The following SNTG1 variants were observed in gnomAD, a reference collection of about 807,000 sequenced individuals.
The protein encoded by SNTG1 is syntrophin gamma 1, also known as gamma-1-syntrophin.
Under a neutral mutation model 74.7 loss-of-function variants are expected in SNTG1, and 39 were observed. That is an observed-to-expected ratio of 0.52 (90% CI 0.40 to 0.68). SNTG1 has a LOEUF of 0.68. SNTG1 is among the 30% of genes least tolerant of loss of function. SNTG1 has a pLI of 0.00. For missense variants in SNTG1, 685 were observed against 609.5 expected (o/e 1.12, Z -1.30); for synonymous variants, 254 against 217.1 (o/e 1.17, Z -1.49).
intron 1 of SNTG1, among the ~76,000 whole-genome samples, chr8:49,922,474 C>G (rs959987996): frequency 1.3e-5 from 2 of 152,022 alleles, no homozygotes; most frequent in Non-Finnish European, 2.9e-5. Flanking sequence ...CAGTTTAGAG[C>G]ATTAATGGGA....
At chr8:50,247,434 A>C (rs1356811654) in intron 2 of SNTG1, among the ~76,000 whole-genome samples, 1 of 152,126 alleles carries the variant, frequency 6.6e-6, no homozygotes, top group East Asian at 1.9e-4. Context: ...TTAGTGCCTC[A>C]AACTAGATTT....
chr8:50,685,364 A>T (rs1479862307), intron 15 of SNTG1, among the ~76,000 whole-genome samples: 1 of 152,184 alleles, frequency 6.6e-6, no homozygotes, highest in African/African-American at 2.4e-5. Context: ...TTTATCCATT[A>T]TCTACCTTAT....
intron 1 of SNTG1, among the ~76,000 whole-genome samples, chr8:50,124,970 T>A (rs999219937): frequency 2.8e-5 from 4 of 141,922 alleles, no homozygotes; most frequent in Non-Finnish European, 4.7e-5. Flanking sequence ...TTTCATGGCA[T>A]ACCCTCTCAT....
chr8:50,021,271 T>G (rs544368571), intron 1 of SNTG1, among the ~76,000 whole-genome samples: 54 of 152,296 alleles, frequency 3.5e-4, no homozygotes, highest in Non-Finnish European at 5.7e-4. Context: ...TGTATCTACA[T>G]TGTCATTGTT....
chr8:50,460,724 C>G (rs2093553309), intron 8 of SNTG1, among the ~76,000 whole-genome samples: 1 of 152,072 alleles, frequency 6.6e-6, no homozygotes, highest in African/African-American at 2.4e-5. Flanking sequence ...TATTCTAGCA[C>G]CATTTATTGA....
intron 2 of SNTG1, among the ~76,000 whole-genome samples, chr8:50,242,715 C>T (rs1020742332): frequency 1.0e-4 from 15 of 150,312 alleles, no homozygotes; most frequent in African/African-American, 2.2e-4. Context: ...ATCCATATCA[C>T]GTATGTATTA....
chr8:50,612,325 T>C (rs1000009713), intron 13 of SNTG1, among the ~76,000 whole-genome samples: 2 of 152,206 alleles, frequency 1.3e-5, no homozygotes, highest in African/African-American at 4.8e-5. Context: ...AAAAATGTCT[T>C]TAGATCTAGT....
intron 13 of SNTG1, among the ~76,000 whole-genome samples, chr8:50,631,161 A>G (rs1456698509): frequency 2.0e-5 from 3 of 152,224 alleles, no homozygotes; most frequent in Non-Finnish European, 4.4e-5. Flanking sequence ...TATGGTATGT[A>G]AAAAGAAAAA....
intron 2 of SNTG1, among the ~76,000 whole-genome samples, chr8:50,173,946 C>T (rs919202226): frequency 6.6e-6 from 1 of 151,978 alleles, no homozygotes; most frequent in African/African-American, 2.4e-5. Context: ...GGTTTTAAGC[C>T]CTGCATGCAG....
At chr8:50,780,043 G>A (rs2095654117) in intron 18 of SNTG1, among the ~76,000 whole-genome samples, 1 of 152,194 alleles carries the variant, frequency 6.6e-6, no homozygotes. Context: ...TTGCATCCTA[G>A]GGATGAAGCC....
intron 2 of SNTG1, among the ~76,000 whole-genome samples, chr8:50,326,852 T>C (rs578221644): frequency 2.0e-4 from 30 of 152,256 alleles, no homozygotes; most frequent in African/African-American, 7.0e-4. Context: ...TAAGCACTGC[T>C]ATCTCTACAT....
At chr8:50,148,557 C>CA (rs1563659696) in intron 1 of SNTG1, among the ~76,000 whole-genome samples, 1 of 152,054 alleles carries the variant, frequency 6.6e-6, no homozygotes, top group African/African-American at 2.4e-5. Flanking sequence ...TCCCTCCCCC[C>CA]AACCCAGAAC....
chr8:50,203,160 C>G (rs917460857), intron 2 of SNTG1, among the ~76,000 whole-genome samples: 9 of 152,140 alleles, frequency 5.9e-5, no homozygotes, highest in Admixed American at 3.9e-4. Flanking sequence ...TCATTCTTTT[C>G]TTTGCCACGT....
chr8:50,443,873 C>T (rs947865338), intron 5 of SNTG1, among the ~76,000 whole-genome samples: 10 of 152,088 alleles, frequency 6.6e-5, no homozygotes, highest in Non-Finnish European at 1.3e-4. Flanking sequence ...GTGGCTCATG[C>T]CTGTAATCCC....
chr8:50,154,122 C>T (rs2082171902), intron 1 of SNTG1, among the ~76,000 whole-genome samples: 1 of 152,156 alleles, frequency 6.6e-6, no homozygotes, highest in Non-Finnish European at 1.5e-5. Flanking sequence ...CTCCCCCAGC[C>T]TCGCTGCTGC....
intron 1 of SNTG1, among the ~76,000 whole-genome samples, chr8:50,091,473 C>T (rs2079736172): frequency 6.6e-6 from 1 of 152,114 alleles, no homozygotes; most frequent in African/African-American, 2.4e-5. Context: ...TGGTTATCAT[C>T]ATTCCACTAC....
At chr8:50,567,909 G>A (rs1385520165) in intron 12 of SNTG1, among the ~76,000 whole-genome samples, 1 of 151,818 alleles carries the variant, frequency 6.6e-6, no homozygotes, top group Non-Finnish European at 1.5e-5. Flanking sequence ...ATTGTTATTT[G>A]CTCTAGTCAC....
intron 1 of SNTG1, among the ~76,000 whole-genome samples, chr8:49,970,952 T>A (rs1330853782): frequency 6.6e-6 from 1 of 152,178 alleles, no homozygotes; most frequent in African/African-American, 2.4e-5. Context: ...AAGGAGGAGC[T>A]GGTACCATTC....
intron 15 of SNTG1, among the ~76,000 whole-genome samples, chr8:50,684,861 G>A (rs969952289): frequency 6.7e-5 from 10 of 149,854 alleles, no homozygotes; most frequent in African/African-American, 2.5e-4. Context: ...ACCATTAGGC[G>A]TATCTCCCAA....
Sources: allele counts gnomAD v4.1 joint callset (sites outside exome capture counted in the v4.1 genomes callset), GRCh38; gene constraint gnomAD v4.1.1; transcripts MANE v1.5; gene names NCBI Gene and HGNC (gene_info 2026-07-23, HGNC 2026-07-21).